Variants in KIRREL3 observed in about 807,000 individuals in gnomAD.
KIRREL3 encodes kirre like nephrin family adhesion molecule 3, also known as kin of IRRE-like protein 3.
Under a neutral mutation model 89.7 loss-of-function variants are expected in KIRREL3, and 36 were observed. The observed-to-expected ratio is 0.40, with a 90% CI of 0.31 to 0.53. The LOEUF (loss-of-function observed/expected upper bound fraction) is 0.53, where lower values mean the gene tolerates loss of function less well. KIRREL3 is among the 20% of genes least tolerant of loss of function. The pLI is 0.49. For missense variants in KIRREL3, 864 were observed against 1,056.6 expected (o/e 0.82, Z 2.53); for synonymous variants, 445 against 441.4 (o/e 1.01, Z -0.10).
intron 1 of KIRREL3, among the ~76,000 whole-genome samples, chr11:126,949,538 T>C (rs1309234264): frequency 6.6e-6 from 1 of 152,200 alleles, no homozygotes; most frequent in Non-Finnish European, 1.5e-5. Flanking sequence ...GCTAAGCTTT[T>C]TGCCTGGATG....
rs1955576662 is a variant in KIRREL3 at position 126,441,817 on chromosome 11, T to A, written c.1253-1268A>T. 6.6e-6 allele frequency among the ~76,000 whole-genome samples: 1 copy of A among 152,082 alleles called. No individual in the cohort carries two copies. The highest frequency in any genetic ancestry group is 1.5e-5 in the Non-Finnish European group (1 of 68,012). On this transcript the variant is annotated intron_variant, in intron 10 of 16. Transcript: ENST00000525144. This position sits in a 1 kb window ranked among gnomAD's most constrained non-coding sequence, Gnocchi z 5.0. ...GGCTCGGGGCAGCGTGAGGTGGGCG[T>A]GGGGGACCCTCCATGGCTTTAAGAA...
rs1398075528 is a variant in KIRREL3, at chr11:126,921,440, TA to T, written c.55+79014del. Among the ~76,000 whole-genome samples the T allele has an allele frequency of 3.9e-5, 6 of 152,154 alleles. No homozygotes were observed. The East Asian group carries it at 1.2e-3, about 29-fold the overall frequency. On this transcript the variant is annotated intron_variant, in intron 1 of 16. Coordinates refer to ENST00000525144, the MANE Select transcript of KIRREL3 (RefSeq NM_032531.4). ...CTATCTATCTATCTATCTATCTATCTATCTATCTTCCTATCTATCTACCTAT... is the reference window on the plus strand; with the variant it reads ...CTATCTATCTATCTATCTATCTATCTTCTATCTTCCTATCTATCTACCTAT...
chr11:126,435,413 T>C, intron 12 of KIRREL3, 110 bp from the exon 13 acceptor site: 2 of 1,101,846 alleles, frequency 1.8e-6, no homozygotes, highest in Admixed American at 1.9e-5. Flanking sequence ...CCTTTCCCAG[T>C]CATGTCTCTG....
Position 126,891,775 on chromosome 11 carries a change from C to G in KIRREL3, c.55+108680G>C, listed in dbSNP as rs901752033. Among the ~76,000 whole-genome samples, 2 of 152,222 alleles carry G rather than the reference C, an allele frequency of 1.3e-5. No homozygotes were observed. The highest frequency in any genetic ancestry group is 1.3e-4 in the Admixed American group (2 of 15,286). On this transcript the variant is annotated intron_variant, in intron 1 of 16. Transcript: ENST00000525144. The surrounding 1 kb of genome is among the most constrained non-coding windows in gnomAD (Gnocchi z 5.1). The stretch of plus-strand genomic sequence containing the variant: ...GGAGATGGGCAGGGCTGGGGTCAGA[C>G]TCCGGTGACAGCAGCAGTGGACACA...
chr11:126,624,213 G>A lies in KIRREL3; in HGVS notation c.56-61301C>T, dbSNP rs1381617530. Among the ~76,000 whole-genome samples the A allele has an allele frequency of 2.6e-5, 4 of 152,242 alleles. No homozygotes were observed. Among genetic ancestry groups the A allele is most frequent in the Admixed American group, 6.5e-5 (1 of 15,294 alleles). On this transcript the variant is annotated intron_variant, in intron 1 of 16. Transcript: ENST00000525144. The surrounding 1 kb of genome is among the most constrained non-coding windows in gnomAD (Gnocchi z 6.0). ...GGGAGCCAGGGGGTGGCGGTGTGGC[G>A]GGGAGGAGGCCAGAATGAAAGATAG...
intron 2 of KIRREL3, among the ~76,000 whole-genome samples, chr11:126,542,472 T>C (rs544063834): frequency 2.6e-5 from 4 of 152,334 alleles, no homozygotes; most frequent in African/African-American, 9.6e-5. Flanking sequence ...ATTTTGATAT[T>C]CACATTTGAA....
intron 1 of KIRREL3, among the ~76,000 whole-genome samples, chr11:126,790,482 A>C (rs150676076): frequency 1.7e-3 from 266 of 152,324 alleles, no homozygotes; most frequent in African/African-American, 6.2e-3. Flanking sequence ...CACTTAACTC[A>C]TGAGGTTATT....
intron 1 of KIRREL3, among the ~76,000 whole-genome samples, chr11:126,849,830 G>A (rs1043612930): frequency 2.0e-5 from 3 of 152,096 alleles, no homozygotes; most frequent in African/African-American, 4.8e-5. Context: ...GTGCCTGGAC[G>A]CACGTTCACC....
rs113074304 is a variant in KIRREL3 at position 126,709,060 on chromosome 11, C to T, written c.56-146148G>A. On this transcript the variant is annotated intron_variant, in intron 1 of 16. Coordinates refer to ENST00000525144, the MANE Select transcript of KIRREL3 (RefSeq NM_032531.4). This position sits in a 1 kb window ranked among gnomAD's most constrained non-coding sequence, Gnocchi z 4.0. ...GATCTTTCTAGAACACCAAGCTCAGCGTATCCCTTCTGATCAACAGAGAAG... is the reference window on the plus strand; with the variant it reads ...GATCTTTCTAGAACACCAAGCTCAGTGTATCCCTTCTGATCAACAGAGAAG... Among the ~76,000 whole-genome samples the T allele has an allele frequency of 8.5e-4, 129 of 152,324 alleles. 1 individual carries two copies. The highest frequency in any genetic ancestry group is 2.6e-3 in the African/African-American group (108 of 41,572).
At position 126,750,374 on chromosome 11, in the gene KIRREL3, G is replaced by A. The variant is rs760469562; in HGVS notation, c.56-187462C>T. Among the ~76,000 whole-genome samples, 3 of 152,184 alleles carry A rather than the reference G, an allele frequency of 2.0e-5. No individual in the cohort carries two copies. Among genetic ancestry groups the A allele is most frequent in the Non-Finnish European group, 4.4e-5 (3 of 68,038 alleles). On this transcript the variant is annotated intron_variant, in intron 1 of 16. Coordinates refer to ENST00000525144, the MANE Select transcript of KIRREL3 (RefSeq NM_032531.4). This position sits in a 1 kb window ranked among gnomAD's most constrained non-coding sequence, Gnocchi z 4.2. The stretch of plus-strand genomic sequence containing the variant: ...TTGTAAATATGTTTGATGCTCCTAC[G>A]TGTGGGTGCTCGAAGCCCACAGTGA...
intron 1 of KIRREL3, among the ~76,000 whole-genome samples, chr11:126,632,220 TC>T (rs1478535897): frequency 6.6e-6 from 1 of 152,122 alleles, no homozygotes; most frequent in Admixed American, 6.5e-5. Context: ...TGCCTATGAG[TC>T]TTTAGCTGAA....
At chr11:126,469,341 C>T (rs148189268) in intron 5 of KIRREL3, among the ~76,000 whole-genome samples, 2,695 of 152,324 alleles carry the variant, frequency 0.018, 46 homozygotes, top group Non-Finnish European at 0.028. Context: ...CTCCCAGCTT[C>T]TCTTCCTCTC....
In KIRREL3 at chr11:126,676,962, A is replaced by T. The variant is rs565605141; in HGVS notation, c.56-114050T>A. 1.8e-4 allele frequency among the ~76,000 whole-genome samples: 27 copies of T among 151,840 alleles called. No homozygotes were observed. Among genetic ancestry groups the T allele is most frequent in the African/African-American group, 6.3e-4 (26 of 41,400 alleles). ...ACCACACCACGCTAATTTTTAAAAA[A>T]TTTTTTGTAGAGACAGGGTCTTGCT... is the stretch of plus-strand genomic sequence containing the variant. On this transcript the variant is annotated intron_variant, in intron 1 of 16. Transcript: ENST00000525144. This position sits in a 1 kb window ranked among gnomAD's most constrained non-coding sequence, Gnocchi z 4.5.
rs186230371 is a variant in KIRREL3, at chr11:126,515,249, C to T, written c.433+6066G>A. ...CAAGCATTAGCAACATGGCAAAACC[C>T]GGTCTCTACAAAAACAAAACAGAAC... On this transcript the variant is annotated intron_variant, in intron 4 of 16. Coordinates refer to ENST00000525144, the MANE Select transcript of KIRREL3 (RefSeq NM_032531.4). This position sits in a 1 kb window ranked among gnomAD's most constrained non-coding sequence, Gnocchi z 4.2. Among the ~76,000 whole-genome samples the T allele has an allele frequency of 2.8e-3, 419 of 152,148 alleles. 3 individuals carry two copies. The highest frequency in any genetic ancestry group is 0.018 in the Admixed American group (275 of 15,274).
Position 126,909,715 on chromosome 11 carries a change from A to C in KIRREL3, c.55+90740T>G, listed in dbSNP as rs536727245. Among the ~76,000 whole-genome samples the C allele has an allele frequency of 6.6e-6, 1 of 152,214 alleles. No individual in the cohort carries two copies. Among genetic ancestry groups the C allele is most frequent in the African/African-American group, 2.4e-5 (1 of 41,538 alleles). ...TAACCCTAGGGGAGGCAGGATCTTG[A>C]CCTCAGAGATGACCTTTTGCCATCA... is the stretch of plus-strand genomic sequence containing the variant. On this transcript the variant is annotated intron_variant, in intron 1 of 16. Transcript: ENST00000525144. This position sits in a 1 kb window ranked among gnomAD's most constrained non-coding sequence, Gnocchi z 4.5.
In KIRREL3 at chr11:126,432,002, G is replaced by A. The variant is rs1340227715; in HGVS notation, c.1589-476C>T. Among the ~76,000 whole-genome samples, 2 of 152,046 alleles carry A rather than the reference G, an allele frequency of 1.3e-5. No homozygotes were observed. Among genetic ancestry groups the A allele is most frequent in the Admixed American group, 6.5e-5 (1 of 15,270 alleles). Reference sequence around the variant, plus strand: ...GTTCTCTCCTTCCCTTCCCTTTCTCGGGTGAATATAGAGGACATCCGGCTC... The same window carrying A: ...GTTCTCTCCTTCCCTTCCCTTTCTCAGGTGAATATAGAGGACATCCGGCTC... On this transcript the variant is annotated intron_variant, in intron 13 of 16. Transcript: ENST00000525144. The surrounding 1 kb of genome is among the most constrained non-coding windows in gnomAD (Gnocchi z 6.2).
At chr11:126,680,256 G>A (rs570698466) in intron 1 of KIRREL3, among the ~76,000 whole-genome samples, 1 of 152,214 alleles carries the variant, frequency 6.6e-6, no homozygotes, top group Admixed American at 6.5e-5. Flanking sequence ...TAATGAATAT[G>A]ATTCATCCTC....
intron 1 of KIRREL3, among the ~76,000 whole-genome samples, chr11:126,963,506 G>C (rs1313476951): frequency 6.6e-6 from 1 of 152,152 alleles, no homozygotes; most frequent in African/African-American, 2.4e-5. Context: ...CTAGAAATCT[G>C]TTTATCTGTG....
Position 126,872,675 on chromosome 11 carries a change from C to G in KIRREL3, c.55+127780G>C, listed in dbSNP as rs1177153951. Among the ~76,000 whole-genome samples, 1 of 152,206 alleles carries G rather than the reference C, an allele frequency of 6.6e-6. No homozygotes were observed. Among genetic ancestry groups the G allele is most frequent in the Non-Finnish European group, 1.5e-5 (1 of 68,032 alleles). On this transcript the variant is annotated intron_variant, in intron 1 of 16. Coordinates refer to ENST00000525144, the MANE Select transcript of KIRREL3 (RefSeq NM_032531.4). This position sits in a 1 kb window ranked among gnomAD's most constrained non-coding sequence, Gnocchi z 4.2. Reference sequence around the variant, plus strand: ...TTTTCTTTCTCTGTCTCCCTCCTATCCCACCCCATCCTGGGCTTGTTTTCA... The same window carrying G: ...TTTTCTTTCTCTGTCTCCCTCCTATGCCACCCCATCCTGGGCTTGTTTTCA...
Sources: gnomAD v4.1 joint callset for allele counts (sites outside exome capture counted in the v4.1 genomes callset) on GRCh38, gnomAD v4.1.1 for gene constraint, Gnocchi (gnomAD v3.1) non-coding constraint, MANE v1.5 for transcripts, NCBI Gene and HGNC (gene_info 2026-07-23, HGNC 2026-07-21) for gene names.